CPM: variants seen among roughly 807,000 people sequenced by gnomAD.
CPM encodes the protein renal carboxypeptidase.
In CPM, 35 loss-of-function variants were observed where a neutral mutation model predicts 46.4. The observed-to-expected ratio is 0.75, with a 90% CI of 0.58 to 1.00. The LOEUF is 1.00. CPM is among the 50% of genes least tolerant of loss of function. The pLI is 0.00. For synonymous variants in CPM, 195 were observed against 195.3 expected, an observed-to-expected ratio of 1.00 and a Z score of 0.01; for missense variants, 422 against 530.4, an observed-to-expected ratio of 0.80 and a Z score of 2.01.
intron 2 of CPM, among the ~76,000 whole-genome samples, chr12:68,932,305 T>C (rs1888543594): frequency 6.6e-6 from 1 of 152,188 alleles, no homozygotes; most frequent in Admixed American, 6.5e-5. Context: ...GTCCAAGTCA[T>C]ATATAAAGAA....
intron 2 of CPM, among the ~76,000 whole-genome samples, chr12:68,919,567 T>G (rs1381021424): frequency 6.6e-6 from 1 of 152,252 alleles, no homozygotes; most frequent in East Asian, 1.9e-4. Flanking sequence ...CATGGTGTTA[T>G]GCTAGAACTG....
chr12:68,945,846 CTTTT>C (rs1170064808), intron 1 of CPM, among the ~76,000 whole-genome samples: 4 of 88,468 alleles, frequency 4.5e-5, no homozygotes, highest in African/African-American at 9.6e-5. Flanking sequence ...TTCTTTCTTT[CTTTT>C]TTTTTTTTTT....
chr12:68,911,014 G>C (rs1048777266), intron 2 of CPM, among the ~76,000 whole-genome samples: 1 of 152,128 alleles, frequency 6.6e-6, no homozygotes, highest in Non-Finnish European at 1.5e-5. Flanking sequence ...ACATTGTCGA[G>C]TATATAACTA....
intron 2 of CPM, among the ~76,000 whole-genome samples, chr12:68,904,520 G>C (rs1003933675): frequency 8.5e-5 from 13 of 152,226 alleles, no homozygotes; most frequent in Non-Finnish European, 1.8e-4. Context: ...CAGATTCTTA[G>C]GGGAAGATGG....
intron 1 of CPM, among the ~76,000 whole-genome samples, chr12:68,954,463 A>G (rs1888981412): frequency 6.6e-6 from 1 of 152,032 alleles, no homozygotes; most frequent in Admixed American, 6.6e-5. Context: ...TGAGACACAC[A>G]CAGTCTGGAT....
chr12:68,932,612 CATA>C, intron 2 of CPM, 63 bp downstream of exon 2: 1 of 1,571,532 alleles, frequency 6.4e-7, no homozygotes, highest in African/African-American at 1.3e-5. Flanking sequence ...GAAGCTGGGG[CATA>C]TTTAATGAAT....
intron 1 of CPM, among the ~76,000 whole-genome samples, chr12:68,940,428 C>T (rs1388989313): frequency 6.6e-6 from 1 of 150,616 alleles, no homozygotes; most frequent in Non-Finnish European, 1.5e-5. Flanking sequence ...ATCCCCTGTG[C>T]TCCACCTATT....
At chr12:68,943,005 A>AT (rs1472673808) in intron 1 of CPM, among the ~76,000 whole-genome samples, 18 of 152,306 alleles carry the variant, frequency 1.2e-4, no homozygotes, top group African/African-American at 3.6e-4. Context: ...AAATGGTGTC[A>AT]TTTTTTGTTT....
chr12:68,939,333 T>C (rs1888725358), intron 1 of CPM, among the ~76,000 whole-genome samples: 1 of 147,960 alleles, frequency 6.8e-6, no homozygotes, highest in South Asian at 2.1e-4. Context: ...ATATTGTATT[T>C]ATATTATGTA....
rs547734634 is a variant in CPM, at chr12:68,882,854, C to T, written c.258+2938G>A. Reference sequence around the variant, plus strand: ...TTTCATATGCTTTTTGGCCACCAGACAATTTCTAATTTAAAAAAAGACCCA... The same window carrying T: ...TTTCATATGCTTTTTGGCCACCAGATAATTTCTAATTTAAAAAAAGACCCA... On this transcript the variant is annotated intron_variant, in intron 3 of 8. Transcript: ENST00000551568. Among the ~76,000 whole-genome samples the T allele has an allele frequency of 2.6e-5, 4 of 152,180 alleles. No individual in the cohort carries two copies. In the South Asian group the frequency reaches 8.3e-4, roughly 32 times the overall value.
At chr12:68,865,773 C>T (rs1054063425) in intron 7 of CPM, among the ~76,000 whole-genome samples, 1 of 152,130 alleles carries the variant, frequency 6.6e-6, no homozygotes, top group African/African-American at 2.4e-5. Flanking sequence ...CACACCTTGC[C>T]CAAAGAGACA....
At chr12:68,918,087 G>GTA (rs1338987437) in intron 2 of CPM, among the ~76,000 whole-genome samples, 1 of 152,112 alleles carries the variant, frequency 6.6e-6, no homozygotes, top group Non-Finnish European at 1.5e-5. Context: ...CAAATCACTA[G>GTA]TAGGTGGTCA....
At chr12:68,938,102 A>T (rs772225585), upstream of CPM, among the ~76,000 whole-genome samples, 3 of 152,228 alleles carry the variant, frequency 2.0e-5, no homozygotes, top group Non-Finnish European at 4.4e-5. Context: ...GGGGCTAAGT[A>T]CCTCAATAGA....
intron 3 of CPM, among the ~76,000 whole-genome samples, chr12:68,872,261 T>TC (rs1885737121): frequency 6.6e-6 from 1 of 150,424 alleles, no homozygotes; most frequent in Non-Finnish European, 1.5e-5. Context: ...CCTTTTTTTT[T>TC]TTTTTTTTTT....
At chr12:68,913,594 T>C (rs1887687752) in intron 2 of CPM, among the ~76,000 whole-genome samples, 1 of 152,148 alleles carries the variant, frequency 6.6e-6, no homozygotes, top group South Asian at 2.1e-4. Context: ...GTACATCAAC[T>C]AGATGTAGTT....
downstream of CPM, chr12:68,848,734 A>C (rs1884498286): frequency 1.3e-5 from 2 of 151,184 alleles, no homozygotes; most frequent in African/African-American, 4.9e-5. Flanking sequence ...TTTGGGGGGG[A>C]CGAAGTCTCG....
intron 7 of CPM, among the ~76,000 whole-genome samples, chr12:68,865,370 T>C (rs1885390012): frequency 6.6e-6 from 1 of 152,246 alleles, no homozygotes; most frequent in Non-Finnish European, 1.5e-5. Flanking sequence ...TCTCTTCAGG[T>C]CAGGGCATGG....
intron 2 of CPM, among the ~76,000 whole-genome samples, chr12:68,891,043 G>C (rs1479446032): frequency 6.6e-6 from 1 of 152,268 alleles, no homozygotes; most frequent in Non-Finnish European, 1.5e-5. Context: ...GTCCAAGCTT[G>C]AGAGAGTTTC....
rs1335551643 is a variant in CPM, at chr12:68,962,990, A to T, written c.-4+179T>A. Among the ~76,000 whole-genome samples, 9 of 152,376 alleles carry T rather than the reference A, an allele frequency of 5.9e-5. No individual in the cohort carries two copies. The East Asian group carries it at 1.2e-3, about 20-fold the overall frequency. On this transcript the variant is annotated intron_variant, in intron 1 of 8. Coordinates refer to the CPM transcript ENST00000546373. ...GATGTCTCATGTTTCCCTAAAATGT[A>T]TAAAACAAAGTCGTGGCCTGACCAC...
Sources: allele counts gnomAD v4.1 joint callset (sites outside exome capture counted in the v4.1 genomes callset), GRCh38; gene constraint gnomAD v4.1.1; transcripts MANE v1.5; gene names NCBI Gene and HGNC (gene_info 2026-07-23, HGNC 2026-07-21).